Variants in ZBTB16 observed in about 807,000 individuals in gnomAD.
ZBTB16 encodes zinc finger and BTB domain containing 16, also known as zinc finger and BTB domain-containing protein 16.
Under a neutral mutation model 56.8 loss-of-function variants are expected in ZBTB16, and 8 were observed. That is an observed-to-expected ratio of 0.14 (90% confidence interval 0.08 to 0.25). The LOEUF is 0.25. ZBTB16 is among the 10% of genes least tolerant of loss of function. The pLI is 1.00. For missense variants in ZBTB16, 625 were observed against 903.0 expected (o/e 0.69, Z 3.95); for synonymous variants, 363 against 368.5 (o/e 0.98, Z 0.17).
At position 114,253,824 on chromosome 11, in the gene ZBTB16, G is replaced by C. The variant is rs1004346781; in HGVS notation, c.*3269G>C. Among the ~76,000 whole-genome samples the C allele has an allele frequency of 5.9e-5, 9 of 152,216 alleles. No individual in the cohort carries two copies. Among genetic ancestry groups the C allele is most frequent in the African/African-American group, 2.2e-4 (9 of 41,452 alleles). On this transcript the variant is annotated 3_prime_UTR_variant, in exon 7 of 7. Transcript: ENST00000335953. ...CTGTCTGGAGGCTTTATATGTGTCT[G>C]GAGTTAAGGGGAGAGGAGGAGGGTA...
rs764214152 is a variant in ZBTB16, at chr11:114,233,123, ACACTCTCTCT to A, written c.1454-9042_1454-9033del. ...CACACACACACACACACACACACAC[ACACTCTCTCT>A]CTCTCACACTCCCTTTCCTTCTTCC... On this transcript the variant is annotated intron_variant, in intron 4 of 6. Transcript: ENST00000335953. 2.9e-3 allele frequency among the ~76,000 whole-genome samples: 152 copies of A among 52,112 alleles called. 2 individuals carry two copies. The highest frequency in any genetic ancestry group is 6.9e-3 in the African/African-American group (125 of 18,178). 34.2% of individuals were successfully genotyped at this position (52,112 alleles called of 152,430 possible). A position where few individuals can be genotyped will look rare whatever the true frequency, so the allele number is the denominator to read the frequency against.
intron 2 of ZBTB16, among the ~76,000 whole-genome samples, chr11:114,144,177 G>GACACAC (rs56679355): frequency 0.018 from 2,638 of 145,048 alleles, 41 homozygotes; most frequent in Middle Eastern, 0.042. Context: ...GTGTTTGCCA[G>GACACAC]ACACACACAC....
At chr11:114,248,842 G>A (rs952398757) in intron 6 of ZBTB16, among the ~76,000 whole-genome samples, 7 of 152,304 alleles carry the variant, frequency 4.6e-5, no homozygotes, top group Admixed American at 3.9e-4. Context: ...CTGGCAGGTG[G>A]ATCATTAACT....
At chr11:114,232,202 T>C (rs1944452637) in intron 4 of ZBTB16, among the ~76,000 whole-genome samples, 1 of 152,194 alleles carries the variant, frequency 6.6e-6, no homozygotes, top group African/African-American at 2.4e-5. Flanking sequence ...GCAGTGCTCA[T>C]GCAACCTTGC....
intron 4 of ZBTB16, among the ~76,000 whole-genome samples, chr11:114,215,968 G>T (rs1349078952): frequency 6.6e-6 from 1 of 152,148 alleles, no homozygotes; most frequent in African/African-American, 2.4e-5. Flanking sequence ...TTTGGAGGAG[G>T]GAAGCTCTTG....
chr11:114,222,251 T>G (rs1008897840), intron 4 of ZBTB16, among the ~76,000 whole-genome samples: 4 of 150,530 alleles, frequency 2.7e-5, no homozygotes, highest in African/African-American at 9.7e-5. Context: ...TACTTTAACC[T>G]GAATGAACAG....
intron 3 of ZBTB16, among the ~76,000 whole-genome samples, chr11:114,161,961 C>T (rs1028204893): frequency 1.3e-5 from 2 of 152,244 alleles, no homozygotes; most frequent in African/African-American, 4.8e-5. Flanking sequence ...CCCATTCTGC[C>T]AGGTGGGAGG....
chr11:114,082,499 C>A (rs552319665), intron 2 of ZBTB16, among the ~76,000 whole-genome samples: 2 of 152,254 alleles, frequency 1.3e-5, no homozygotes, highest in South Asian at 4.2e-4. Context: ...AGAGTTGGAG[C>A]CTTGGAAGGC....
intron 2 of ZBTB16, among the ~76,000 whole-genome samples, chr11:114,124,802 G>A (rs932468588): frequency 3.9e-5 from 6 of 152,208 alleles, no homozygotes; most frequent in Admixed American, 3.3e-4. Flanking sequence ...TGCTCTCATT[G>A]TCAGTTGGAC....
chr11:114,207,676 A>G (rs1019542907), intron 4 of ZBTB16, among the ~76,000 whole-genome samples: 1 of 152,020 alleles, frequency 6.6e-6, no homozygotes, highest in African/African-American at 2.4e-5. Context: ...TGCAGTGGCA[A>G]GATCTCAGCT....
At chr11:114,116,293 G>A (rs937419427) in intron 2 of ZBTB16, among the ~76,000 whole-genome samples, 1 of 152,120 alleles carries the variant, frequency 6.6e-6, no homozygotes, top group African/African-American at 2.4e-5. Context: ...TTAATCCTTG[G>A]GTATAGAGGC....
intron 4 of ZBTB16, among the ~76,000 whole-genome samples, chr11:114,236,306 T>C (rs1048888813): frequency 2.0e-5 from 3 of 152,192 alleles, no homozygotes; most frequent in Admixed American, 2.0e-4. Context: ...AATTCTCTTA[T>C]CCTAGATGAA....
chr11:114,214,801 G>A (rs1944063078), intron 4 of ZBTB16, among the ~76,000 whole-genome samples: 1 of 152,028 alleles, frequency 6.6e-6, no homozygotes, highest in South Asian at 2.1e-4. Context: ...ACGGAGTTTC[G>A]CCATGTTGGC....
intron 2 of ZBTB16, among the ~76,000 whole-genome samples, chr11:114,067,973 C>G (rs1939182795): frequency 2.0e-5 from 3 of 151,168 alleles, no homozygotes; most frequent in Non-Finnish European, 1.5e-5. Flanking sequence ...TTCTCTGTCT[C>G]CCCCCAACCC....
At chr11:114,101,838 G>A (rs930539745) in intron 2 of ZBTB16, among the ~76,000 whole-genome samples, 5 of 152,190 alleles carry the variant, frequency 3.3e-5, no homozygotes, top group Non-Finnish European at 5.9e-5. Context: ...TTGCCTATAG[G>A]GAGATACATT....
In ZBTB16 at chr11:114,099,462, TA is replaced by T. The variant is rs963881978; in HGVS notation, c.1268+34907del. On this transcript the variant is annotated intron_variant, in intron 2 of 6. Transcript: ENST00000335953. ...TTATCTCCTCTCTTGGCACCTGGCT[TA>T]AAAAAAAAAAAAGTAGTAACAAGAA... Among the ~76,000 whole-genome samples, 504 of 144,272 alleles carry T rather than the reference TA, an allele frequency of 3.5e-3. 1 individual carries two copies. The highest frequency in any genetic ancestry group is 6.0e-3 in the East Asian group (30 of 5,004). 94.6% of individuals were successfully genotyped at this position (144,272 alleles called of 152,430 possible).
intron 3 of ZBTB16, among the ~76,000 whole-genome samples, chr11:114,159,943 G>GGGT (rs1430328211): frequency 6.9e-6 from 1 of 145,008 alleles, no homozygotes; most frequent in Non-Finnish European, 1.5e-5. Context: ...GAGGCGGGGG[G>GGGT]GAGGCGAGCA....
intron 4 of ZBTB16, among the ~76,000 whole-genome samples, chr11:114,208,297 C>T (rs557555888): frequency 5.9e-5 from 9 of 152,222 alleles, no homozygotes; most frequent in Admixed American, 2.6e-4. Context: ...GAAAAGGGAG[C>T]TTCCTGATTA....
intron 2 of ZBTB16, among the ~76,000 whole-genome samples, chr11:114,089,326 C>G (rs1408705015): frequency 1.3e-5 from 2 of 152,214 alleles, no homozygotes; most frequent in Middle Eastern, 3.2e-3. Context: ...CATAATGTCT[C>G]ATTTGTACAT....
Sources: gnomAD v4.1 joint callset for allele counts (sites outside exome capture counted in the v4.1 genomes callset) on GRCh38, gnomAD v4.1.1 for gene constraint, MANE v1.5 for transcripts, NCBI Gene and HGNC (gene_info 2026-07-23, HGNC 2026-07-21) for gene names.